Variants in ST18 observed in about 807,000 individuals in gnomAD.
The protein encoded by ST18 is suppression of tumorigenicity 18 protein.
Under a neutral mutation model 110.0 loss-of-function variants are expected in ST18, and 50 were observed. That is an observed-to-expected ratio of 0.45 (90% CI 0.36 to 0.58). The LOEUF (loss-of-function observed/expected upper bound fraction) is 0.58, where lower values mean the gene tolerates loss of function less well. ST18 is among the 20% of genes least tolerant of loss of function. ST18 has a pLI of 0.00. For missense variants in ST18, 1,306 were observed against 1,280.1 expected (o/e 1.02, Z -0.31); for synonymous variants, 461 against 452.4 (o/e 1.02, Z -0.24).
In ST18 at chr8:52,167,001, A is replaced by T. The variant is rs1243518468; in HGVS notation, c.1070-15T>A. The T allele has an allele frequency of 3.8e-6, 6 of 1,596,468 alleles. No individual in the cohort carries two copies. Among genetic ancestry groups the T allele is most frequent in the Non-Finnish European group, 4.3e-6 (5 of 1,168,052 alleles). Reference sequence around the variant, plus strand: ...CCTTGGTGAATCTATGGAGAAATTCAATTGAGAAATGCATTTGGTTATTCT... The same window carrying T: ...CCTTGGTGAATCTATGGAGAAATTCTATTGAGAAATGCATTTGGTTATTCT... On this transcript the variant is annotated splice_polypyrimidine_tract_variant and intron_variant, in intron 10 of 25. Coordinates refer to ENST00000689386, the MANE Select transcript of ST18 (RefSeq NM_001352837.2).
At chr8:52,351,766 G>C (rs566454247) in intron 2 of ST18, among the ~76,000 whole-genome samples, 1 of 152,132 alleles carries the variant, frequency 6.6e-6, no homozygotes, top group Admixed American at 6.5e-5. Flanking sequence ...AAACTCCATC[G>C]ATCTAGCTTT....
At chr8:52,167,624 C>G (rs371475503) in intron 10 of ST18, among the ~76,000 whole-genome samples, 1 of 152,176 alleles carries the variant, frequency 6.6e-6, no homozygotes. Context: ...GCAGTGAGCA[C>G]GGGGAAGAAG....
chr8:52,384,330 A>G (rs1290846081), intron 2 of ST18, among the ~76,000 whole-genome samples: 1 of 152,164 alleles, frequency 6.6e-6, no homozygotes, highest in Non-Finnish European at 1.5e-5. Flanking sequence ...GATAATTTAT[A>G]GGCAAATCTC....
intron 9 of ST18, among the ~76,000 whole-genome samples, chr8:52,176,236 G>T (rs1431360983): frequency 6.6e-6 from 1 of 152,024 alleles, no homozygotes; most frequent in African/African-American, 2.4e-5. Context: ...TGTAGGTCAG[G>T]CTGGTCTCGA....
At chr8:52,167,938 A>G (rs2063560502) in intron 10 of ST18, among the ~76,000 whole-genome samples, 1 of 152,126 alleles carries the variant, frequency 6.6e-6, no homozygotes, top group South Asian at 2.1e-4. Flanking sequence ...ATATAAATAT[A>G]TACAATAAAT....
At chr8:52,150,562 C>T (rs1488613157) in intron 15 of ST18, among the ~76,000 whole-genome samples, 1 of 152,120 alleles carries the variant, frequency 6.6e-6, no homozygotes, top group Admixed American at 6.5e-5. Flanking sequence ...AAATGCTTTG[C>T]TAAATTGTGG....
chr8:52,190,622 C>A (rs1180546494), intron 8 of ST18, among the ~76,000 whole-genome samples: 1 of 152,142 alleles, frequency 6.6e-6, no homozygotes, highest in Non-Finnish European at 1.5e-5. Context: ...GGAAGCAGAA[C>A]CAAGAGTAGT....
chr8:52,214,069 C>A (rs1588618878), intron 7 of ST18, 134 bp downstream of exon 7: 1 of 938,212 alleles, frequency 1.1e-6, no homozygotes, highest in East Asian at 2.5e-5. Context: ...GAGCCAGTGT[C>A]CTGGCTTGAT....
chr8:52,185,049 G>C (rs923105611), intron 8 of ST18, among the ~76,000 whole-genome samples: 1 of 152,110 alleles, frequency 6.6e-6, no homozygotes, highest in South Asian at 2.1e-4. Context: ...GTATGATTAT[G>C]TTTGAGGAAA....
chr8:52,210,695 A>T (rs1173183862), intron 8 of ST18, among the ~76,000 whole-genome samples: 3 of 152,142 alleles, frequency 2.0e-5, no homozygotes, highest in Non-Finnish European at 4.4e-5. Context: ...TAAAAATAAA[A>T]ATAAAATTAA....
intron 2 of ST18, among the ~76,000 whole-genome samples, chr8:52,265,446 G>C (rs1310142179): frequency 6.6e-6 from 1 of 152,222 alleles, no homozygotes. Context: ...CAGCAGTATG[G>C]AGAATAAATT....
chr8:52,216,906 T>C (rs1278784548), intron 6 of ST18, among the ~76,000 whole-genome samples: 2 of 152,144 alleles, frequency 1.3e-5, no homozygotes, highest in Non-Finnish European at 2.9e-5. Context: ...TTCAGGCCCC[T>C]GGGGTGGGGT....
At chr8:52,346,038 G>A (rs1209240923) in intron 2 of ST18, among the ~76,000 whole-genome samples, 1 of 151,746 alleles carries the variant, frequency 6.6e-6, no homozygotes, top group African/African-American at 2.4e-5. Context: ...ACTGACCCCA[G>A]AGGAATTAGA....
rs541743619 is a variant in ST18, at chr8:52,257,368, T to C, written c.-464-27291A>G. 2.6e-5 allele frequency among the ~76,000 whole-genome samples: 4 copies of C among 152,340 alleles called. No homozygotes were observed. The South Asian group carries it at 8.3e-4, about 32-fold the overall frequency. ...GTTTGAGGAACTGCTAAATAGTTTT[T>C]CAATGTGCCTGCACAATATACCTTT... On this transcript the variant is annotated intron_variant, in intron 2 of 25. Transcript: ENST00000689386.
chr8:52,198,107 C>T (rs2076781061), intron 8 of ST18, among the ~76,000 whole-genome samples: 2 of 152,088 alleles, frequency 1.3e-5, no homozygotes, highest in East Asian at 1.9e-4. Context: ...CTGCAACCTT[C>T]GTGATTCTCC....
At position 52,286,717 on chromosome 8, in the gene ST18, T is replaced by C. The variant is rs563175107; in HGVS notation, c.-464-56640A>G. Among the ~76,000 whole-genome samples the C allele has an allele frequency of 1.3e-3, 194 of 151,468 alleles. 3 individuals carry two copies. The highest frequency in any genetic ancestry group is 2.5e-3 in the Non-Finnish European group (169 of 67,920). ...AAACCAGTTATGTCTGACTCAACAA[T>C]TCATGCTCATTGCACCAAGCCATAC... On this transcript the variant is annotated intron_variant, in intron 2 of 25. Transcript: ENST00000689386.
In ST18 at chr8:52,119,921, A is replaced by G. The variant is rs183161739; in HGVS notation, c.2756-1480T>C. ...ACTCTGGGCTCTAAGATTTAATGAA[A>G]AAAGGAAAACAAACCAACATATAAG... On this transcript the variant is annotated intron_variant, in intron 23 of 25. Coordinates refer to ENST00000689386, the MANE Select transcript of ST18 (RefSeq NM_001352837.2). Among the ~76,000 whole-genome samples the G allele has an allele frequency of 1.5e-3, 234 of 152,328 alleles. 2 individuals are homozygous for G. The highest frequency in any genetic ancestry group is 4.4e-3 in the African/African-American group (183 of 41,570).
At chr8:52,166,371 C>G (rs1184151145) in intron 11 of ST18, among the ~76,000 whole-genome samples, 1 of 152,170 alleles carries the variant, frequency 6.6e-6, no homozygotes, top group Non-Finnish European at 1.5e-5. Flanking sequence ...GGCGCTCACC[C>G]TCTGGGGCAC....
chr8:52,245,666 C>A (rs2137920225), intron 2 of ST18, among the ~76,000 whole-genome samples: 1 of 152,094 alleles, frequency 6.6e-6, no homozygotes, highest in South Asian at 2.1e-4. Context: ...AGAATAGTAT[C>A]AATTAATATA....
Sources: allele counts gnomAD v4.1 joint callset (sites outside exome capture counted in the v4.1 genomes callset), GRCh38; gene constraint gnomAD v4.1.1; transcripts MANE v1.5; gene names NCBI Gene and HGNC (gene_info 2026-07-23, HGNC 2026-07-21).